Variants in LSMEM1 observed in about 807,000 individuals in gnomAD.
LSMEM1 encodes the protein leucine-rich single-pass membrane protein 1.
In LSMEM1, 10 loss-of-function variants were observed where a neutral mutation model predicts 11.3. That is an observed-to-expected ratio of 0.89 (90% CI 0.55 to 1.50). LSMEM1 has a LOEUF of 1.50. Among genes scored for constraint, LSMEM1 ranks in the 40% most tolerant of loss-of-function variants. The pLI, the probability that LSMEM1 is intolerant of heterozygous loss-of-function variation, is 0.00. For synonymous variants in LSMEM1, 65 were observed against 59.3 expected, an observed-to-expected ratio of 1.10 and a Z score of -0.44; for missense variants, 151 against 152.9, an observed-to-expected ratio of 0.99 and a Z score of 0.06.
At position 112,490,960 on chromosome 7, in the gene LSMEM1, C is replaced by T. The variant is rs1236719911; in HGVS notation, c.*1011C>T. On this transcript the variant is annotated 3_prime_UTR_variant, in exon 4 of 4. Coordinates refer to ENST00000312849, the MANE Select transcript of LSMEM1 (RefSeq NM_182597.3). ...GTCAATTGAAGAATGTATTATGATT[C>T]TATCATTTTGGATTGATCAAAAACA... 1 of 152,142 alleles carries T rather than the reference C, an allele frequency of 6.6e-6. No individual in the cohort carries two copies. Among genetic ancestry groups the T allele is most frequent in the African/African-American group, 2.4e-5 (1 of 41,430 alleles). 9.4% of individuals were successfully genotyped at this position (152,142 alleles called of 1,614,324 possible).
At position 112,490,185 on chromosome 7, in the gene LSMEM1, C is replaced by A; in HGVS notation, c.*236C>A. 2 of 421,078 alleles carry A rather than the reference C, an allele frequency of 4.7e-6. No individual in the cohort carries two copies. The highest frequency in any genetic ancestry group is 8.4e-6 in the Non-Finnish European group (2 of 237,578). The allele number at this position is 421,078 out of a possible 1,614,324, so 26.1% of individuals were successfully genotyped here. A position where few individuals can be genotyped will look rare whatever the true frequency, so the allele number is the denominator to read the frequency against. On this transcript the variant is annotated 3_prime_UTR_variant, in exon 4 of 4. Coordinates refer to ENST00000312849, the MANE Select transcript of LSMEM1 (RefSeq NM_182597.3). ...CTCAGCCCCCTTTTATGGTAGGGCA[C>A]TTCAACTTTAATGGGGTGGGCGGCT...
intron 2 of LSMEM1, 149 bp downstream of exon 2, chr7:112,485,092 T>C (rs1293189010): frequency 1.1e-6 from 1 of 952,246 alleles, no homozygotes; most frequent in African/African-American, 1.7e-5. Flanking sequence ...TGTTGGGCAA[T>C]TTTGCTTTTG....
At chr7:112,488,001 G>A (rs777204692) in intron 3 of LSMEM1, among the ~76,000 whole-genome samples, 2 of 152,172 alleles carry the variant, frequency 1.3e-5, no homozygotes, top group Non-Finnish European at 2.9e-5. Context: ...TGATGATGAC[G>A]ATGAGAGAAG....
chr7:112,484,259 T>C (rs1456998081), intron 1 of LSMEM1, among the ~76,000 whole-genome samples: 1 of 152,174 alleles, frequency 6.6e-6, no homozygotes, highest in Admixed American at 6.5e-5. Flanking sequence ...ACATGCCATA[T>C]GGAGGGAGGC....
At chr7:112,488,817 G>A (rs1314154525) in intron 3 of LSMEM1, among the ~76,000 whole-genome samples, 4 of 152,092 alleles carry the variant, frequency 2.6e-5, no homozygotes, top group South Asian at 2.1e-4. Context: ...GGCTGGTCTC[G>A]AAATCTGGAC....
Position 112,486,981 on chromosome 7 carries a change from G to GT in LSMEM1, c.192dup (p.Val65CysfsTer30). On this transcript the variant is annotated frameshift_variant, in exon 3 of 4. Coordinates refer to ENST00000312849, the MANE Select transcript of LSMEM1 (RefSeq NM_182597.3). LOFTEE classifies it high-confidence loss of function. ...ACTCAGGAAATGGAAGCCGGAGTCT[G>GT]TTTTTTGTGGGGCTGCTAATTGTGC... 1.2e-6 allele frequency: 2 copies of GT among 1,614,166 alleles called. No homozygotes were observed. Among genetic ancestry groups the GT allele is most frequent in the Non-Finnish European group, 1.7e-6 (2 of 1,180,026 alleles).
rs1036420978 is a variant in LSMEM1 at position 112,490,835 on chromosome 7, G to A, written c.*886G>A. On this transcript the variant is annotated 3_prime_UTR_variant, in exon 4 of 4. Coordinates refer to ENST00000312849, the MANE Select transcript of LSMEM1 (RefSeq NM_182597.3). ...GCATTAGTTCCAGCAATGAAAGTAA[G>A]ACACACAGCATATGACATAAGACAC... 6.6e-6 allele frequency: 1 copy of A among 152,158 alleles called. No individual in the cohort carries two copies. Among genetic ancestry groups the A allele is most frequent in the African/African-American group, 2.4e-5 (1 of 41,434 alleles). The allele number at this position is 152,158 out of a possible 1,614,324, so 9.4% of individuals were successfully genotyped here.
chr7:112,486,639 G>A (rs1025741718), intron 2 of LSMEM1, among the ~76,000 whole-genome samples: 1 of 152,128 alleles, frequency 6.6e-6, no homozygotes, highest in African/African-American at 2.4e-5. Context: ...AGCGGGACGT[G>A]GTGGCGGGGG....
chr7:112,483,553 A>G (rs1199673144), intron 1 of LSMEM1: 2 of 152,218 alleles, frequency 1.3e-5, no homozygotes. Context: ...AAAATACTAC[A>G]GATGTTCTGA....
At chr7:112,483,491 A>AAGGAGTTTTCAGTCTATCGGGAAATC (rs1332533854) in intron 1 of LSMEM1, 1 of 152,204 alleles carries the variant, frequency 6.6e-6, no homozygotes, top group Non-Finnish European at 1.5e-5. Flanking sequence ...TCCCTACTCT[A>AAGGAGTTTTCAGTCTATCGGGAAATC]AGGAGTTTTC....
chr7:112,486,309 T>G (rs1436302960), intron 2 of LSMEM1: 2 of 434,808 alleles, frequency 4.6e-6, no homozygotes, highest in East Asian at 1.4e-4. Context: ...AACTTCTATA[T>G]TCCCTCTCCC....
At chr7:112,488,046 G>A (rs935903251) in intron 3 of LSMEM1, among the ~76,000 whole-genome samples, 2 of 152,072 alleles carry the variant, frequency 1.3e-5, no homozygotes, top group Admixed American at 6.5e-5. Flanking sequence ...CCCTTTCACC[G>A]CTTCCAATCC....
At chr7:112,483,431 A>G (rs978624916) in intron 1 of LSMEM1, 3 of 152,214 alleles carry the variant, frequency 2.0e-5, no homozygotes, top group Non-Finnish European at 4.4e-5. Context: ...ATCTTAACAT[A>G]AGTCACCAAC....
intron 2 of LSMEM1, among the ~76,000 whole-genome samples, chr7:112,485,913 T>C (rs1796119888): frequency 6.6e-6 from 1 of 151,430 alleles, no homozygotes; most frequent in African/African-American, 2.4e-5. Context: ...GCTTATTCAC[T>C]GCAACAAATA....
At position 112,487,027 on chromosome 7, in the gene LSMEM1, G is replaced by T. The variant is rs763051225; in HGVS notation, c.232G>T (p.Val78Phe). The T allele has an allele frequency of 3.5e-5, 56 of 1,613,830 alleles. No individual in the cohort carries two copies. The highest frequency in any genetic ancestry group is 1.6e-4 in the Middle Eastern group (1 of 6,084). The change falls in exon 3 of 4, where the codon GTT becomes TTT. Residue 78 changes from valine (V) to phenylalanine (F), a missense_variant. Coordinates refer to ENST00000312849, the MANE Select transcript of LSMEM1 (RefSeq NM_182597.3). ...TGTGCTGATTGTCAGCCTGGCACTGGTTTTTTTCGTGATATTTCTAATAGG... is the reference window on the plus strand; with the variant it reads ...TGTGCTGATTGTCAGCCTGGCACTGTTTTTTTTCGTGATATTTCTAATAGG... ...LIVLIVSLALVFFVIFLIVQT... is the reference protein window; with the variant it reads ...LIVLIVSLALFFFVIFLIVQT...
chr7:112,482,901 A>G (rs1026768075), intron 1 of LSMEM1, among the ~76,000 whole-genome samples: 1 of 152,142 alleles, frequency 6.6e-6, no homozygotes, highest in African/African-American at 2.4e-5. Flanking sequence ...GTTCTTGTTA[A>G]TTAAAATTTC....
chr7:112,484,930 G>T lies in LSMEM1; in HGVS notation c.114G>T (p.Ser38=). The T allele has an allele frequency of 6.2e-7, 1 of 1,612,074 alleles. No individual in the cohort carries two copies. Among genetic ancestry groups the T allele is most frequent in the South Asian group, 1.1e-5 (1 of 90,992 alleles). ...LNKLNLCPAG[S]QHLFPLEDKI... is the part of the protein sequence containing the mutation. The stretch of plus-strand genomic sequence containing the variant: ...AACTAAACCTCTGTCCAGCCGGATC[G>T]CAGCATCTGTTCCGTATGTGTGCTG... Residue 38 remains serine (S), a synonymous_variant, in exon 2 of 4, where the codon TCG becomes TCT. Transcript: ENST00000312849.
chr7:112,486,312 C>A, intron 2 of LSMEM1: 1 of 436,112 alleles, frequency 2.3e-6, no homozygotes, highest in Non-Finnish European at 4.6e-6. Flanking sequence ...TTCTATATTC[C>A]CTCTCCCCAC....
intron 1 of LSMEM1, among the ~76,000 whole-genome samples, chr7:112,483,136 C>CTTT (rs113149675): frequency 1.5e-5 from 2 of 136,662 alleles, no homozygotes; most frequent in Non-Finnish European, 3.2e-5. Flanking sequence ...TAGGTGTATA[C>CTTT]TTTTTTTTTT....
Sources: allele counts gnomAD v4.1 joint callset (sites outside exome capture counted in the v4.1 genomes callset), GRCh38; gene constraint gnomAD v4.1.1; transcripts MANE v1.5; gene names NCBI Gene and HGNC (gene_info 2026-07-23, HGNC 2026-07-21).